The following RTTN variants were observed in gnomAD, a reference collection of about 807,000 sequenced individuals.
RTTN encodes the protein rotatin.
A neutral mutation model predicts 269.2 loss-of-function variants in RTTN; 182 were observed. That is an observed-to-expected ratio of 0.68 (90% CI 0.60 to 0.76). The LOEUF is 0.76. RTTN is among the 30% of genes least tolerant of loss of function. The pLI is 0.00. For missense variants in RTTN, 2,545 were observed against 2,608.6 expected (o/e 0.98, Z 0.53); for synonymous variants, 1,006 against 963.5 (o/e 1.04, Z -0.82).
intron 8 of RTTN, among the ~76,000 whole-genome samples, chr18:70,191,942 A>C (rs556494316): frequency 6.6e-6 from 1 of 152,256 alleles, no homozygotes; most frequent in African/African-American, 2.4e-5. Context: ...CAGGAGAAAG[A>C]GAAAAACATG....
At chr18:70,191,097 G>A (rs549168559) in intron 8 of RTTN, among the ~76,000 whole-genome samples, 2 of 152,278 alleles carry the variant, frequency 1.3e-5, no homozygotes, top group South Asian at 4.1e-4. Context: ...GGGAGGCTGA[G>A]GCGGGAGAAT....
At chr18:70,109,857 T>C (rs2059417498) in intron 27 of RTTN, 140 bp from the exon 28 acceptor site, 1 of 645,206 alleles carries the variant, frequency 1.5e-6, no homozygotes, top group South Asian at 2.0e-5. Context: ...AAATAGTCTC[T>C]ATCAAAATGA....
At chr18:70,135,716 CAT>C (rs2060108778) in intron 21 of RTTN, among the ~76,000 whole-genome samples, 1 of 152,268 alleles carries the variant, frequency 6.6e-6, no homozygotes, top group South Asian at 2.1e-4. Flanking sequence ...TTACTACAAA[CAT>C]GTGATCACAG....
intron 32 of RTTN, among the ~76,000 whole-genome samples, chr18:70,081,976 G>A (rs1421414554): frequency 1.3e-5 from 2 of 152,120 alleles, no homozygotes; most frequent in East Asian, 3.9e-4. Flanking sequence ...AGACAGAGCT[G>A]AAGTAAATGT....
At chr18:70,070,919 A>G (rs2058277784) in intron 34 of RTTN, among the ~76,000 whole-genome samples, 1 of 152,234 alleles carries the variant, frequency 6.6e-6, no homozygotes, top group Admixed American at 6.5e-5. Context: ...GTTTGTATGC[A>G]TATAAAAGAG....
In RTTN at chr18:70,205,179, C is replaced by T; in HGVS notation, c.168G>A (p.Pro56=). ...FLHLLEWFNF[P]SVPMKEEVLN... ...GAACCTCTTCCTTCATCGGAACGGA[C>T]GGGAAATTGAACCATTCCAGCAAAT... The change falls in exon 2 of 49, where the codon CCG becomes CCA. Residue 56 remains proline, a synonymous_variant. Transcript: ENST00000640769. 4 of 1,614,210 alleles carry T rather than the reference C, an allele frequency of 2.5e-6. No individual in the cohort carries two copies. Among genetic ancestry groups the T allele is most frequent in the South Asian group, 1.1e-5 (1 of 91,088 alleles).
chr18:70,088,004 A>C lies in RTTN; in HGVS notation c.4287T>G (p.Ser1429Arg). Residue 1429 changes from serine (S) to arginine (R), a missense_variant, in exon 31 of 49, where the codon AGT becomes AGG. Coordinates refer to ENST00000640769, the MANE Select transcript of RTTN (RefSeq NM_173630.4). The part of the protein sequence containing the change: ...VNILLDQSEC[S>R]MVRREAAFIL... ...ACAGACATACCTCCCGGCGCACCAT[A>C]CTACATTCTGACTGGTCCAGAAGAA... The C allele has an allele frequency of 1.2e-6, 2 of 1,613,338 alleles. No individual in the cohort carries two copies. The highest frequency in any genetic ancestry group is 1.7e-6 in the Non-Finnish European group (2 of 1,179,722).
At chr18:70,165,046 T>G (rs1367412146) in intron 14 of RTTN, among the ~76,000 whole-genome samples, 1 of 152,188 alleles carries the variant, frequency 6.6e-6, no homozygotes, top group Non-Finnish European at 1.5e-5. Flanking sequence ...GTATTTTATA[T>G]GCAGCCAAAT....
chr18:70,121,320 C>A (rs2059731917), intron 26 of RTTN, among the ~76,000 whole-genome samples: 1 of 152,108 alleles, frequency 6.6e-6, no homozygotes, highest in Non-Finnish European at 1.5e-5. Context: ...AGTTCACATG[C>A]AGAACAGGTT....
In RTTN at chr18:70,109,831, C is replaced by T; in HGVS notation, c.3684-114G>A. On this transcript the variant is annotated intron_variant, in intron 27 of 48. Coordinates refer to ENST00000640769, the MANE Select transcript of RTTN (RefSeq NM_173630.4). ...CTCATAGTAATAGAAAAAAATGAAC[C>T]AGACAAAATGGCAGAAAATAGTCTC... 3.9e-6 allele frequency: 3 copies of T among 775,056 alleles called. No individual in the cohort carries two copies. In the Admixed American group the frequency reaches 8.1e-5, roughly 21 times the overall value. 48.0% of individuals were successfully genotyped at this position (775,056 alleles called of 1,614,324 possible).
At chr18:70,135,973 C>T (rs949365661) in intron 21 of RTTN, among the ~76,000 whole-genome samples, 12 of 152,090 alleles carry the variant, frequency 7.9e-5, no homozygotes, top group African/African-American at 1.9e-4. Context: ...CAAAGAAGTA[C>T]GATGTTATCT....
At chr18:70,071,761 T>C (rs527886547) in intron 34 of RTTN, among the ~76,000 whole-genome samples, 22 of 152,240 alleles carry the variant, frequency 1.4e-4, no homozygotes, top group Non-Finnish European at 2.8e-4. Flanking sequence ...AGTCCCTAAC[T>C]TGGCATTAAC....
intron 31 of RTTN, 151 bp from the exon 32 acceptor site, chr18:70,086,835 T>C (rs1042811880): frequency 1.1e-5 from 8 of 719,688 alleles, no homozygotes; most frequent in African/African-American, 5.5e-5. Context: ...GAGGTCATTA[T>C]GAGAATTGTC....
chr18:70,104,955 T>A (rs1288446371), intron 28 of RTTN, among the ~76,000 whole-genome samples: 1 of 152,214 alleles, frequency 6.6e-6, no homozygotes, highest in Non-Finnish European at 1.5e-5. Context: ...GGGGACCCAC[T>A]TGAGGAGGCT....
chr18:70,151,924 G>A (rs1201302087), intron 14 of RTTN, among the ~76,000 whole-genome samples: 1 of 152,030 alleles, frequency 6.6e-6, no homozygotes, highest in Non-Finnish European at 1.5e-5. Context: ...AGAGTTCGCT[G>A]TCCTCAGTCA....
rs2060496945 is a variant in RTTN at position 70,150,053 on chromosome 18, AG to A, written c.2089del (p.Leu697CysfsTer6). 1 of 1,613,410 alleles carries A rather than the reference AG, an allele frequency of 6.2e-7. No homozygotes were observed. The highest frequency in any genetic ancestry group is 8.5e-7 in the Non-Finnish European group (1 of 1,179,478). Reference sequence around the variant, plus strand: ...TGTCATCATCAATCGTCCCTGAAGCAGGTATAACAGAATGGCCTTGGCAGCA... The same window carrying A: ...TGTCATCATCAATCGTCCCTGAAGCAGTATAACAGAATGGCCTTGGCAGCA... ...NTAAKAILLY[L>X]LQGRLMMTAL... On this transcript the variant is annotated frameshift_variant, in exon 16 of 49. Coordinates refer to ENST00000640769, the MANE Select transcript of RTTN (RefSeq NM_173630.4). LOFTEE classifies it high-confidence loss of function.
chr18:70,133,461 T>C (rs2060047373), intron 23 of RTTN, among the ~76,000 whole-genome samples: 1 of 152,118 alleles, frequency 6.6e-6, no homozygotes, highest in Non-Finnish European at 1.5e-5. Context: ...TTCTTCATAA[T>C]AGCCCAAAAC....
chr18:70,011,239 G>A (rs1490549325), intron 46 of RTTN, among the ~76,000 whole-genome samples: 1 of 152,102 alleles, frequency 6.6e-6, no homozygotes, highest in African/African-American at 2.4e-5. Context: ...CTCATTTTAT[G>A]AGGCCAGCAT....
At chr18:70,134,831 C>T (rs1415417493) in intron 22 of RTTN, among the ~76,000 whole-genome samples, 1 of 152,082 alleles carries the variant, frequency 6.6e-6, no homozygotes, top group African/African-American at 2.4e-5. Flanking sequence ...AAGATCAGCG[C>T]TAATCATATA....
Sources: gnomAD v4.1 joint callset for allele counts (sites outside exome capture counted in the v4.1 genomes callset) on GRCh38, gnomAD v4.1.1 for gene constraint, MANE v1.5 for transcripts, NCBI Gene and HGNC (gene_info 2026-07-23, HGNC 2026-07-21) for gene names.